INTS7: variants seen among roughly 807,000 people sequenced by gnomAD.
INTS7 encodes chromosome 1 open reading frame 73.
A neutral mutation model predicts 109.2 loss-of-function variants in INTS7; 46 were observed. That is an observed-to-expected ratio of 0.42 (90% CI 0.33 to 0.54). The LOEUF is 0.54. INTS7 is among the 20% of genes least tolerant of loss of function. The pLI is 0.07. For missense variants in INTS7, 929 were observed against 1,132.4 expected, an observed-to-expected ratio of 0.82 and a Z score of 2.58; for synonymous variants, 412 against 402.9, an observed-to-expected ratio of 1.02 and a Z score of -0.27.
At chr1:212,025,882 A>G (rs115172233) in intron 1 of INTS7, among the ~76,000 whole-genome samples, 3,983 of 152,258 alleles carry the variant, frequency 0.026, 59 homozygotes, top group African/African-American at 0.046. Context: ...GAGGCCAGGC[A>G]CAGTGGCTCA....
chr1:211,987,953 C>A lies in INTS7; in HGVS notation c.930G>T (p.Gly310=), dbSNP rs764360269. 7.4e-6 allele frequency: 12 copies of A among 1,612,790 alleles called. No individual in the cohort carries two copies. The highest frequency in any genetic ancestry group is 8.5e-6 in the Non-Finnish European group (10 of 1,179,092). Residue 310 remains glycine (G), a synonymous_variant, in exon 8 of 20, where the codon GGG becomes GGT. Coordinates refer to ENST00000366994, the MANE Select transcript of INTS7 (RefSeq NM_015434.4). ...ATAGTGTGGAAAGGACAGACAACATCCCTAGTTTTAAGCTGTCATAAGGAG... is the reference window on the plus strand; with the variant it reads ...ATAGTGTGGAAAGGACAGACAACATACCTAGTTTTAAGCTGTCATAAGGAG... ...LQTPYDSLKL[G]MLSVLSTLSG...
At chr1:212,014,744 C>T (rs1003785264) in intron 4 of INTS7, among the ~76,000 whole-genome samples, 43 of 152,084 alleles carry the variant, frequency 2.8e-4, no homozygotes, top group Admixed American at 4.6e-4. Flanking sequence ...GGGGTTTCGC[C>T]GTGTTGGCCG....
intron 8 of INTS7, among the ~76,000 whole-genome samples, chr1:211,986,643 T>A (rs78510783): frequency 0.027 from 4,157 of 152,246 alleles, 81 homozygotes; most frequent in Non-Finnish European, 0.04. Context: ...AAACACCCAC[T>A]GCTAGAGTAT....
chr1:211,947,917 T>A (rs1454956742), intron 17 of INTS7, among the ~76,000 whole-genome samples: 2 of 152,222 alleles, frequency 1.3e-5, no homozygotes, highest in Non-Finnish European at 2.9e-5. Context: ...CTATTTTAAT[T>A]TGTTTAAAGG....
chr1:212,020,681 C>T lies in INTS7; in HGVS notation c.224+402G>A, dbSNP rs957983663. On this transcript the variant is annotated intron_variant, in intron 2 of 19. Transcript: ENST00000366994. ...AGAAAGCAGCAGAAGATGGAATGGT[C>T]GGGGGAGAAAAAGCAAATAGGCATG... 5 of 965,124 alleles carry T rather than the reference C, an allele frequency of 5.2e-6. No individual in the cohort carries two copies. In the South Asian group the frequency reaches 1.8e-4, roughly 35 times the overall value. 59.8% of individuals were successfully genotyped at this position (965,124 alleles called of 1,614,324 possible). A position where few individuals can be genotyped will look rare whatever the true frequency, so the allele number is the denominator to read the frequency against.
At chr1:211,966,833 G>C (rs1255913941) in intron 15 of INTS7, among the ~76,000 whole-genome samples, 1 of 151,884 alleles carries the variant, frequency 6.6e-6, no homozygotes, top group African/African-American at 2.4e-5. Context: ...AGACAAACAA[G>C]CAAATAAAGC....
At chr1:211,998,941 C>A (rs1665534861) in intron 7 of INTS7, among the ~76,000 whole-genome samples, 1 of 152,136 alleles carries the variant, frequency 6.6e-6, no homozygotes, top group Non-Finnish European at 1.5e-5. Context: ...CAAAATAAAA[C>A]CATGATGAGA....
rs758278611 is a variant in INTS7, at chr1:211,981,073, T to G, written c.1230+20A>C. ...ACCATCATATATATCTATTACAACT[T>G]AATAAATAAAAGTTTTCACCTTTAA... is the stretch of plus-strand genomic sequence containing the variant. On this transcript the variant is annotated intron_variant, in intron 10 of 19. Coordinates refer to ENST00000366994, the MANE Select transcript of INTS7 (RefSeq NM_015434.4). The G allele has an allele frequency of 3.3e-6, 5 of 1,498,880 alleles. No homozygotes were observed. In the African/African-American group the frequency reaches 6.9e-5, roughly 21 times the overall value. The allele number at this position is 1,498,880 out of a possible 1,614,324, so 92.8% of individuals were successfully genotyped here.
At chr1:212,014,058 GATC>G (rs1362625810) in intron 4 of INTS7, among the ~76,000 whole-genome samples, 1 of 152,178 alleles carries the variant, frequency 6.6e-6, no homozygotes, top group African/African-American at 2.4e-5. Context: ...AGGTATTTCT[GATC>G]ATCAATTACT....
chr1:211,975,900 C>A (rs1199838781), intron 12 of INTS7, among the ~76,000 whole-genome samples: 1 of 152,130 alleles, frequency 6.6e-6, no homozygotes, highest in Non-Finnish European at 1.5e-5. Context: ...AGAACATGCA[C>A]TTCAATCACC....
intron 12 of INTS7, among the ~76,000 whole-genome samples, 177 bp downstream of exon 12, chr1:211,976,405 A>T (rs1261956490): frequency 6.6e-6 from 1 of 152,204 alleles, no homozygotes; most frequent in Non-Finnish European, 1.5e-5. Context: ...CATAGATACC[A>T]TTCTTTTATG....
rs1386928802 is a variant in INTS7 at position 211,944,926 on chromosome 1, G to C, written c.2459C>G (p.Ala820Gly). The change falls in exon 19 of 20, where the codon GCT (alanine) becomes GGT (glycine). Residue 820 changes from alanine (A) to glycine (G), a missense_variant. Ala to Gly is a moderately conservative substitution (Grantham distance 60). Around this residue, in one of 2 missense-constraint regions of INTS7, gnomAD observed 787 missense variants for 901.1 expected, o/e 0.87. Transcript: ENST00000366994. ...CGCCAGCTGCTGGTTATTCTGGACAGCAATGGGCTCTGCAGGATTCCGGGG... is the reference window on the plus strand; with the variant it reads ...CGCCAGCTGCTGGTTATTCTGGACACCAATGGGCTCTGCAGGATTCCGGGG... ...PSPRNPAEPI[A>G]VQNNQQLALK... 2 of 1,614,116 alleles carry C rather than the reference G, an allele frequency of 1.2e-6. No homozygotes were observed. The highest frequency in any genetic ancestry group is 1.7e-6 in the Non-Finnish European group (2 of 1,180,050).
At chr1:212,022,101 G>C (rs371072550) in intron 1 of INTS7, among the ~76,000 whole-genome samples, 4 of 152,258 alleles carry the variant, frequency 2.6e-5, no homozygotes, top group African/African-American at 7.2e-5. Context: ...GGAAAAACTA[G>C]ATAAGCATAA....
Position 211,975,390 on chromosome 1 carries a change from A to G in INTS7, c.1609-18T>C. Reference sequence around the variant, plus strand: ...TGATTACCCTAAAAACAAAAAAAGAAAAGAAAAAAGAATAGAAGGAGCACA... The same window carrying G: ...TGATTACCCTAAAAACAAAAAAAGAGAAGAAAAAAGAATAGAAGGAGCACA... On this transcript the variant is annotated intron_variant, in intron 12 of 19. Transcript: ENST00000366994. The G allele has an allele frequency of 6.3e-7, 1 of 1,589,894 alleles. No individual in the cohort carries two copies. Among genetic ancestry groups the G allele is most frequent in the Non-Finnish European group, 8.6e-7 (1 of 1,159,536 alleles).
chr1:211,987,254 C>T (rs547207864), intron 8 of INTS7, among the ~76,000 whole-genome samples: 3 of 151,858 alleles, frequency 2.0e-5, no homozygotes, highest in African/African-American at 7.2e-5. Flanking sequence ...CCAAGATCCC[C>T]CCACTGCACT....
At chr1:211,945,296 A>C (rs1225579709) in intron 18 of INTS7, among the ~76,000 whole-genome samples, 2 of 152,048 alleles carry the variant, frequency 1.3e-5, no homozygotes, top group African/African-American at 4.8e-5. Context: ...GCATTATATA[A>C]ATTTTCATTA....
intron 7 of INTS7, among the ~76,000 whole-genome samples, chr1:212,002,056 G>A (rs1665694757): frequency 6.6e-6 from 1 of 152,166 alleles, no homozygotes; most frequent in African/African-American, 2.4e-5. Flanking sequence ...ATACTCAGAA[G>A]TAAACTCTTG....
rs1667401173 is a variant in INTS7, at chr1:212,035,494, A to G, written c.-57T>C. 2 of 1,262,896 alleles carry G rather than the reference A, an allele frequency of 1.6e-6. No homozygotes were observed. Among genetic ancestry groups the G allele is most frequent in the South Asian group, 1.2e-5 (1 of 84,010 alleles). The allele number at this position is 1,262,896 out of a possible 1,614,324, so 78.2% of individuals were successfully genotyped here. ...GAAAGCTTGCAAACTCTACCCCAGG[A>G]CCGCCATCTTCCCCCGCCGCCTTCT... On this transcript the variant is annotated 5_prime_UTR_variant, in exon 1 of 20. Coordinates refer to ENST00000366994, the MANE Select transcript of INTS7 (RefSeq NM_015434.4).
intron 5 of INTS7, 109 bp from the exon 6 acceptor site, chr1:212,007,558 T>C: frequency 1.5e-6 from 1 of 684,200 alleles, no homozygotes; most frequent in Non-Finnish European, 2.6e-6. Flanking sequence ...AAACACAGTA[T>C]ACTAATATAT....
Sources: allele counts gnomAD v4.1 joint callset (sites outside exome capture counted in the v4.1 genomes callset), GRCh38; gene constraint gnomAD v4.1.1; regional missense constraint gnomAD v4.1.1; transcripts MANE v1.5; gene names NCBI Gene and HGNC (gene_info 2026-07-23, HGNC 2026-07-21).